CSE1L: variants seen among roughly 807,000 people sequenced by gnomAD.
CSE1L encodes the protein chromosome segregation 1 like.
CSE1L carries 24 observed loss-of-function variants against 120.4 expected under a neutral mutation model. The ratio of observed to expected loss-of-function variants is 0.20; its 90% confidence interval spans 0.14 to 0.28. CSE1L has a LOEUF of 0.28. Among genes scored for constraint, CSE1L ranks in the 10% least tolerant of loss-of-function variants. The probability of loss-of-function intolerance (pLI) is 1.00; values close to 1 mark genes in which losing one functional copy is unlikely to be tolerated. For missense variants in CSE1L, 830 were observed against 1,145.2 expected (o/e 0.72, Z 3.97); for synonymous variants, 402 against 398.3 (o/e 1.01, Z -0.11).
chr20:49,080,695 C>T (rs1600621097), intron 14 of CSE1L, among the ~76,000 whole-genome samples: 1 of 152,064 alleles, frequency 6.6e-6, no homozygotes. Flanking sequence ...AGGCTGGTCT[C>T]GAACCCCCTA....
Position 49,096,363 on chromosome 20 carries a change from G to C in CSE1L, c.2841G>C (p.Val947=). The change falls in exon 25 of 25, where the codon GTG becomes GTC. Residue 947 remains valine (V), a synonymous_variant. Transcript: ENST00000262982. ...TACPGRVPSM[V]STSLNAEALQ... ...ATCTCTTGTAGGTTCCATCAATGGT[G>C]AGCACCAGCCTGAATGCAGAAGCGC... 1 of 1,613,938 alleles carries C rather than the reference G, an allele frequency of 6.2e-7. No homozygotes were observed. The highest frequency in any genetic ancestry group is 8.5e-7 in the Non-Finnish European group (1 of 1,179,910).
chr20:49,049,591 T>C (rs777670453), intron 1 of CSE1L, among the ~76,000 whole-genome samples: 27 of 152,230 alleles, frequency 1.8e-4, no homozygotes, highest in Non-Finnish European at 1.8e-4. Flanking sequence ...TGTGGTTGCA[T>C]AAGATAATTA....
In CSE1L at chr20:49,066,450, A is replaced by G; in HGVS notation, c.416A>G (p.Gln139Arg). The change falls in exon 5 of 25, where the codon CAG (glutamine) becomes CGG (arginine). Residue 139 changes from glutamine (Q) to arginine (R), a missense_variant. Gln to Arg is a conservative substitution (Grantham distance 43, BLOSUM62 1). Coordinates refer to ENST00000262982, the MANE Select transcript of CSE1L (RefSeq NM_001316.4). Reference sequence around the variant, plus strand: ...CTGACAGAAATGGTGAATCGCTTTCAGAGTGGAGATTTCCATGTTATTAAT... The same window carrying G: ...CTGACAGAAATGGTGAATCGCTTTCGGAGTGGAGATTTCCATGTTATTAAT... ...DLLTEMVNRF[Q>R]SGDFHVINGV... 1 of 1,614,202 alleles carries G rather than the reference A, an allele frequency of 6.2e-7. No individual in the cohort carries two copies. Among genetic ancestry groups the G allele is most frequent in the Non-Finnish European group, 8.5e-7 (1 of 1,180,010 alleles).
Position 49,094,189 on chromosome 20 carries a change from G to T in CSE1L, c.2497G>T (p.Val833Leu). ...AATTATTATTCCTGAAATTCAGAAG[G>T]TATCTGGAAATGTAGAGAAAAAGAT... is the stretch of plus-strand genomic sequence containing the variant. ...EKIIIPEIQKVSGNVEKKICA... is the reference protein window; with the variant it reads ...EKIIIPEIQKLSGNVEKKICA... The change falls in exon 23 of 25, where the codon GTA (valine) becomes TTA (leucine). Residue 833 changes from valine to leucine, a missense_variant. Val to Leu is a conservative substitution (Grantham distance 32). Coordinates refer to ENST00000262982, the MANE Select transcript of CSE1L (RefSeq NM_001316.4). The T allele has an allele frequency of 6.3e-7, 1 of 1,598,548 alleles. No homozygotes were observed. The highest frequency in any genetic ancestry group is 8.6e-7 in the Non-Finnish European group (1 of 1,168,380).
At chr20:49,082,942 C>T (rs778088330) in intron 14 of CSE1L, among the ~76,000 whole-genome samples, 1 of 152,164 alleles carries the variant, frequency 6.6e-6, no homozygotes, top group Non-Finnish European at 1.5e-5. Context: ...GCCTTAGCCT[C>T]CCTAGTTGAT....
intron 16 of CSE1L, among the ~76,000 whole-genome samples, chr20:49,085,894 C>G (rs901523499): frequency 6.6e-6 from 1 of 152,102 alleles, no homozygotes; most frequent in Admixed American, 6.6e-5. Flanking sequence ...TATGGAACTT[C>G]TCATTACAGA....
At position 49,058,525 on chromosome 20, in the gene CSE1L, C is replaced by A; in HGVS notation, c.62C>A (p.Pro21His). 6.2e-7 allele frequency: 1 copy of A among 1,613,506 alleles called. No homozygotes were observed. The highest frequency in any genetic ancestry group is 8.5e-7 in the Non-Finnish European group (1 of 1,179,652). ...LTEYLKKTLDPDPAIRRPAEK... is the reference protein window; with the variant it reads ...LTEYLKKTLDHDPAIRRPAEK... ...GAATATTTAAAGAAAACACTTGATC[C>A]TGATCCTGCCATCCGACGTCCAGGT... The change falls in exon 2 of 25, where the codon CCT becomes CAT. Residue 21 changes from proline (P) to histidine (H), a missense_variant. Physicochemically the swap from Pro to His is moderately conservative, Grantham distance 77. This residue lies in a region of CSE1L where 543 missense variants were observed against 640.2 expected (regional missense o/e 0.85). Coordinates refer to ENST00000262982, the MANE Select transcript of CSE1L (RefSeq NM_001316.4).
At chr20:49,060,204 C>G (rs1258128525) in intron 2 of CSE1L, among the ~76,000 whole-genome samples, 2 of 145,802 alleles carry the variant, frequency 1.4e-5, no homozygotes, top group Admixed American at 7.0e-5. Flanking sequence ...AAAAAAAAGG[C>G]CAGGTGCATT....
intron 6 of CSE1L, among the ~76,000 whole-genome samples, chr20:49,068,308 G>A (rs1188379495): frequency 6.6e-6 from 1 of 152,108 alleles, no homozygotes; most frequent in African/African-American, 2.4e-5. Flanking sequence ...AAAAGCCAAG[G>A]CTGGGCATGG....
chr20:49,091,948 A>T (rs986542883), intron 21 of CSE1L, 98 bp from the exon 22 acceptor site: 10 of 684,916 alleles, frequency 1.5e-5, no homozygotes, highest in Non-Finnish European at 2.6e-5. Flanking sequence ...CAGCCTTTGG[A>T]TGTTAATGAT....
At chr20:49,069,450 G>T (rs1219507587) in intron 7 of CSE1L, among the ~76,000 whole-genome samples, 5 of 152,164 alleles carry the variant, frequency 3.3e-5, no homozygotes, top group Non-Finnish European at 7.3e-5. Flanking sequence ...TTGCTATACT[G>T]CGATGCAAGG....
intron 10 of CSE1L, among the ~76,000 whole-genome samples, chr20:49,074,286 G>A (rs978739575): frequency 6.7e-6 from 1 of 148,782 alleles, no homozygotes; most frequent in Admixed American, 6.8e-5. Context: ...TGACCAGGCT[G>A]GTCTCAAACT....
At chr20:49,094,036 T>C in intron 22 of CSE1L, 104 bp from the exon 23 acceptor site, 1 of 748,556 alleles carries the variant, frequency 1.3e-6, no homozygotes, top group Non-Finnish European at 2.1e-6. Flanking sequence ...AGTCTTGTTA[T>C]TTAGTAATTT....
chr20:49,091,127 T>C, intron 21 of CSE1L, 105 bp downstream of exon 21: 1 of 870,514 alleles, frequency 1.1e-6, no homozygotes, highest in Non-Finnish European at 1.8e-6. Context: ...TTAAACTTTA[T>C]GCAAAAAATA....
chr20:49,046,998 TGA>T (rs1327835028), intron 1 of CSE1L, among the ~76,000 whole-genome samples: 1 of 152,254 alleles, frequency 6.6e-6, no homozygotes, highest in Admixed American at 6.5e-5. Context: ...ACGGGCATCG[TGA>T]TCTCACTTTG....
intron 21 of CSE1L, among the ~76,000 whole-genome samples, 174 bp downstream of exon 21, chr20:49,091,196 G>C (rs2092098636): frequency 6.6e-6 from 1 of 152,204 alleles, no homozygotes; most frequent in Admixed American, 6.5e-5. Context: ...GCCAAGGGAG[G>C]CCGATCGCTT....
chr20:49,093,564 C>CTTTTTT (rs11477256), intron 22 of CSE1L, among the ~76,000 whole-genome samples: 5 of 117,580 alleles, frequency 4.3e-5, no homozygotes, highest in Non-Finnish European at 5.2e-5. Context: ...GCTCCTCTCT[C>CTTTTTT]TTTTTTTTTT....
chr20:49,091,760 A>G (rs779891727), intron 21 of CSE1L, among the ~76,000 whole-genome samples: 1 of 152,232 alleles, frequency 6.6e-6, no homozygotes, highest in African/African-American at 2.4e-5. Flanking sequence ...GTGTTCTCCA[A>G]ACATTAAGTT....
chr20:49,092,228 G>T (rs766320971), intron 22 of CSE1L, 101 bp downstream of exon 22: 13 of 639,452 alleles, frequency 2.0e-5, no homozygotes, highest in Non-Finnish European at 3.2e-5. Context: ...GTGGTTCTTG[G>T]TATGGAGATA....
Sources: allele counts gnomAD v4.1 joint callset (sites outside exome capture counted in the v4.1 genomes callset), GRCh38; gene constraint gnomAD v4.1.1; regional missense constraint gnomAD v4.1.1; transcripts MANE v1.5; gene names NCBI Gene and HGNC (gene_info 2026-07-23, HGNC 2026-07-21).